The following DCAF1 variants were observed in gnomAD, a reference collection of about 807,000 sequenced individuals.
DCAF1 encodes the protein DDB1- and CUL4-associated factor 1.
In DCAF1, 15 loss-of-function variants were observed where a neutral mutation model predicts 128.0. The observed-to-expected ratio is 0.12, with a 90% CI of 0.08 to 0.18. The LOEUF is 0.18. DCAF1 is among the 10% of genes least tolerant of loss of function. DCAF1 has a pLI of 1.00. For synonymous variants in DCAF1, 610 were observed against 603.0 expected (o/e 1.01, Z -0.17); for missense variants, 988 against 1,649.5 (o/e 0.60, Z 6.95).
intron 6 of DCAF1, among the ~76,000 whole-genome samples, chr3:51,453,039 T>A (rs1196909474): frequency 6.6e-6 from 1 of 150,968 alleles, no homozygotes; most frequent in Non-Finnish European, 1.5e-5. Context: ...AAATCTGTAA[T>A]CTTGGATAAA....
chr3:51,412,567 T>C, intron 22 of DCAF1, 87 bp from the exon 23 acceptor site: 6 of 1,579,062 alleles, frequency 3.8e-6, no homozygotes, highest in Admixed American at 1.8e-5. Flanking sequence ...GCCCATGACC[T>C]TGACCCTGTA....
rs1553631076 is a variant in DCAF1 at position 51,418,190 on chromosome 3, G to A, written c.3444C>T (p.Ser1148=). The change falls in exon 17 of 25, where the codon TCC becomes TCT. Residue 1148 remains serine (S), a synonymous_variant. Coordinates refer to ENST00000684031, the MANE Select transcript of DCAF1 (RefSeq NM_001387579.1). ...TCCAAGTAGCAGATGTCAGCAGCAA[G>A]GACCCATCCTAAAAGAAAAAGGCGC... The part of the protein sequence containing the change: ...ITHLEPSRDG[S]LLLTSATWSQ... The A allele has an allele frequency of 6.2e-7, 1 of 1,610,676 alleles. No individual in the cohort carries two copies. Among genetic ancestry groups the A allele is most frequent in the East Asian group, 2.2e-5 (1 of 44,810 alleles).
chr3:51,460,934 G>C (rs1474037419), intron 6 of DCAF1, among the ~76,000 whole-genome samples: 1 of 151,876 alleles, frequency 6.6e-6, no homozygotes, highest in Non-Finnish European at 1.5e-5. Flanking sequence ...AGACTTAAAT[G>C]TTAGACCTAA....
chr3:51,467,556 A>G lies in DCAF1; in HGVS notation c.188-680T>C, dbSNP rs1314498018. On this transcript the variant is annotated intron_variant, in intron 4 of 24. Transcript: ENST00000684031. ...GGAGATATACCTAATGCAAATGACG[A>G]GTTAATGGGTGCAGCACACCAACAT... Among the ~76,000 whole-genome samples, 4 of 152,114 alleles carry G rather than the reference A, an allele frequency of 2.6e-5. No homozygotes were observed. The East Asian group carries it at 7.7e-4, about 29-fold the overall frequency.
rs528338591 is a variant in DCAF1 at position 51,420,140 on chromosome 3, C to T, written c.2830G>A (p.Gly944Ser). Residue 944 changes from glycine (G) to serine (S), a missense_variant, in exon 15 of 25, where the codon GGC (glycine) becomes AGC (serine). By Grantham distance (56) the Gly-to-Ser change is moderately conservative. Coordinates refer to ENST00000684031, the MANE Select transcript of DCAF1 (RefSeq NM_001387579.1). The surrounding 1 kb of genome is among the most constrained non-coding windows in gnomAD (Gnocchi z 6.5). ...GGGGAGTTGCCTGCATAAGATGGGC[C>T]GGGCAGAGCTAGCGGACCCTGGGGG... is the stretch of plus-strand genomic sequence containing the variant. ...RPPQGPLALP[G>S]PSYAGNSPLI... 16 of 1,613,940 alleles carry T rather than the reference C, an allele frequency of 9.9e-6. No homozygotes were observed. Among genetic ancestry groups the T allele is most frequent in the South Asian group, 8.8e-5 (8 of 91,078 alleles).
chr3:51,504,111 C>T (rs1246121645), upstream of DCAF1, among the ~76,000 whole-genome samples: 5 of 150,660 alleles, frequency 3.3e-5, no homozygotes, highest in Non-Finnish European at 5.9e-5. Flanking sequence ...AATCTCAGCT[C>T]ACCGCAAGCT....
At chr3:51,418,375 C>G (rs757215736) in intron 16 of DCAF1, among the ~76,000 whole-genome samples, 177 bp from the exon 17 acceptor site, 6 of 152,188 alleles carry the variant, frequency 3.9e-5, no homozygotes, top group Non-Finnish European at 8.8e-5. Context: ...ATACATACAC[C>G]TATAGTGTCC....
intron 6 of DCAF1, among the ~76,000 whole-genome samples, chr3:51,457,493 G>T (rs1006878471): frequency 2.6e-5 from 4 of 152,180 alleles, no homozygotes; most frequent in South Asian, 2.1e-4. Context: ...CACTCTGCAG[G>T]ATATTATCCA....
chr3:51,442,035 T>C, intron 7 of DCAF1, 138 bp from the exon 8 acceptor site: 1 of 1,196,312 alleles, frequency 8.4e-7, no homozygotes, highest in East Asian at 2.4e-5. Flanking sequence ...ATTTGATAAA[T>C]GCGTTGCTTT....
At position 51,470,916 on chromosome 3, in the gene DCAF1, G is replaced by A; in HGVS notation, c.187+13C>T. 6.4e-7 allele frequency: 1 copy of A among 1,569,624 alleles called. No individual in the cohort carries two copies. The highest frequency in any genetic ancestry group is 1.2e-5 in the South Asian group (1 of 83,980). ...AAAAAAAAAAGACCCACACTTAAGA[G>A]CACAAATCTTACCAGGATGTCGATC... On this transcript the variant is annotated intron_variant, in intron 4 of 24. Coordinates refer to ENST00000684031, the MANE Select transcript of DCAF1 (RefSeq NM_001387579.1).
At chr3:51,503,775 G>A (rs1456631105), upstream of DCAF1, among the ~76,000 whole-genome samples, 2 of 152,162 alleles carry the variant, frequency 1.3e-5, no homozygotes, top group Non-Finnish European at 1.5e-5. Context: ...ATTTCCCAAA[G>A]GGTGTGTAAT....
At chr3:51,495,332 A>C (rs1708116144) in intron 2 of DCAF1, among the ~76,000 whole-genome samples, 1 of 151,420 alleles carries the variant, frequency 6.6e-6, no homozygotes, top group South Asian at 2.1e-4. Flanking sequence ...CTCAAAAAAA[A>C]TATTAAGAAT....
chr3:51,485,221 A>G (rs1695598994), intron 2 of DCAF1, among the ~76,000 whole-genome samples: 1 of 152,122 alleles, frequency 6.6e-6, no homozygotes, highest in Admixed American at 6.6e-5. Flanking sequence ...AGCTCTGTTA[A>G]TTCTTAAAGA....
chr3:51,454,914 C>T (rs974725774), intron 6 of DCAF1, among the ~76,000 whole-genome samples: 28 of 152,162 alleles, frequency 1.8e-4, no homozygotes, highest in Non-Finnish European at 2.6e-4. Flanking sequence ...ACCTCGTGAT[C>T]TGCCCACCTC....
At chr3:51,425,587 G>A (rs1185859000) in intron 13 of DCAF1, among the ~76,000 whole-genome samples, 6 of 101,462 alleles carry the variant, frequency 5.9e-5, no homozygotes. Flanking sequence ...TTTGGAGACA[G>A]AGTCTTGCTC....
At chr3:51,418,497 T>C (rs1286421918) in intron 16 of DCAF1, among the ~76,000 whole-genome samples, 181 bp downstream of exon 16, 1 of 152,222 alleles carries the variant, frequency 6.6e-6, no homozygotes, top group Non-Finnish European at 1.5e-5. Flanking sequence ...GGTTCCTTTC[T>C]TCCTACTAAC....
chr3:51,398,032 A>C lies in DCAF1; in HGVS notation c.*737T>G, dbSNP rs576393095. ...TCCTAAGTTCCCTCAACTCCACAAA[A>C]CCAATATCCACAATGACCATGCTGC... On this transcript the variant is annotated 3_prime_UTR_variant, in exon 25 of 25. Transcript: ENST00000684031. 7.5e-5 allele frequency: 12 copies of C among 159,094 alleles called. No individual in the cohort carries two copies. The South Asian group carries it at 2.5e-3, about 33-fold the overall frequency. 9.9% of individuals were successfully genotyped at this position (159,094 alleles called of 1,614,324 possible). A position where few individuals can be genotyped will look rare whatever the true frequency, so the allele number is the denominator to read the frequency against.
chr3:51,485,267 A>C (rs1489151965), intron 2 of DCAF1, among the ~76,000 whole-genome samples: 3 of 152,202 alleles, frequency 2.0e-5, no homozygotes, highest in African/African-American at 7.2e-5. Context: ...TACTGCCAGC[A>C]TGAAAGTGGA....
chr3:51,500,685 C>T (rs1708757896), upstream of DCAF1, among the ~76,000 whole-genome samples: 1 of 152,074 alleles, frequency 6.6e-6, no homozygotes, highest in Non-Finnish European at 1.5e-5. Context: ...AGGCGCATGC[C>T]ACCACACCCA....
Sources: allele counts gnomAD v4.1 joint callset (sites outside exome capture counted in the v4.1 genomes callset), GRCh38; gene constraint gnomAD v4.1.1; non-coding constraint Gnocchi (gnomAD v3.1); transcripts MANE v1.5; gene names NCBI Gene and HGNC (gene_info 2026-07-23, HGNC 2026-07-21).